TET3: variants seen among roughly 807,000 people sequenced by gnomAD.
TET3 encodes the protein methylcytosine dioxygenase TET3.
TET3 carries 19 observed loss-of-function variants against 141.4 expected under a neutral mutation model. That is an observed-to-expected ratio of 0.13 (90% CI 0.09 to 0.20). TET3 has a LOEUF of 0.20. Among genes scored for constraint, TET3 ranks in the 10% least tolerant of loss-of-function variants. The pLI is 1.00. For missense variants in TET3, 1,874 were observed against 2,356.9 expected (o/e 0.80, Z 4.24); for synonymous variants, 1,043 against 980.9 (o/e 1.06, Z -1.18).
chr2:74,124,650 T>C, the TET3 span, among the ~76,000 whole-genome samples: 1 of 152,206 alleles, frequency 6.6e-6, no homozygotes, highest in African/African-American at 2.4e-5. Context: ...CTCTGAAACA[T>C]GTGCTGTGTC....
At chr2:74,066,379 CGAT>C (rs1688901552) in intron 4 of TET3, among the ~76,000 whole-genome samples, 1 of 151,884 alleles carries the variant, frequency 6.6e-6, no homozygotes, top group Non-Finnish European at 1.5e-5. Flanking sequence ...AACAAGAAAT[CGAT>C]GGTGGTAGTG....
downstream of TET3, among the ~76,000 whole-genome samples, chr2:74,108,448 T>G (rs1228937124): frequency 6.6e-6 from 1 of 152,194 alleles, no homozygotes; most frequent in South Asian, 2.1e-4. Flanking sequence ...CCCTTTTATG[T>G]TTTTTTGTCC....
rs756751039 is a variant in TET3 at position 74,100,817 on chromosome 2, G to A, written c.4029G>A (p.Gln1343=). The change falls in exon 12 of 12, where the codon CAG becomes CAA. Residue 1343 remains glutamine, a synonymous_variant. Transcript: ENST00000409262. ...CTGAGTTTGCCGAGCTGCCCAGCCA[G>A]GCTGTTCCCACAGACGCCCACCACC... is the stretch of plus-strand genomic sequence containing the variant. ...GGAEFAELPS[Q]AVPTDAHHPT... is the part of the protein sequence containing the mutation. 4 of 1,612,640 alleles carry A rather than the reference G, an allele frequency of 2.5e-6. No individual in the cohort carries two copies. The highest frequency in any genetic ancestry group is 2.7e-5 in the African/African-American group (2 of 74,886).
chr2:74,134,048 T>C, the TET3 span, among the ~76,000 whole-genome samples: 1 of 152,154 alleles, frequency 6.6e-6, no homozygotes, highest in Non-Finnish European at 1.5e-5. Flanking sequence ...TGGCCTATTC[T>C]GTTCTTTAGA....
chr2:74,014,496 A>C (rs575692068), intron 3 of TET3, among the ~76,000 whole-genome samples: 1 of 151,648 alleles, frequency 6.6e-6, no homozygotes, highest in South Asian at 2.1e-4. Context: ...CTGTCTCTAA[A>C]CCCCCAAATA....
chr2:74,017,437 G>C (rs1685790539), intron 3 of TET3, among the ~76,000 whole-genome samples: 1 of 152,074 alleles, frequency 6.6e-6, no homozygotes, highest in Non-Finnish European at 1.5e-5. Context: ...TCTTCTCTCT[G>C]TTTCTATGAG....
At chr2:74,061,471 A>ACC (rs570376590) in intron 4 of TET3, among the ~76,000 whole-genome samples, 2,108 of 120,678 alleles carry the variant, frequency 0.017, 155 homozygotes, top group African/African-American at 0.069. Context: ...CGGGGGACTG[A>ACC]CCCCCCCACC....
At chr2:74,068,300 C>T (rs1285738213) in intron 4 of TET3, among the ~76,000 whole-genome samples, 3 of 151,704 alleles carry the variant, frequency 2.0e-5, no homozygotes, top group East Asian at 1.9e-4. Context: ...TATGCTTGTA[C>T]GTGTGTGTAT....
chr2:74,062,404 G>A (rs1688644256), intron 4 of TET3, among the ~76,000 whole-genome samples: 1 of 152,222 alleles, frequency 6.6e-6, no homozygotes, highest in Non-Finnish European at 1.5e-5. Context: ...AACTTTAAAT[G>A]ACAGTTATTT....
chr2:74,097,113 A>C (rs899062467), intron 10 of TET3, among the ~76,000 whole-genome samples: 1 of 101,632 alleles, frequency 9.8e-6, no homozygotes, highest in African/African-American at 2.7e-5. Flanking sequence ...GAAGAAAAAG[A>C]AAAAAAAAAA....
intron 3 of TET3, among the ~76,000 whole-genome samples, chr2:74,018,893 C>T (rs997383428): frequency 6.6e-6 from 1 of 152,090 alleles, no homozygotes; most frequent in Non-Finnish European, 1.5e-5. Flanking sequence ...AATGAATCTT[C>T]CTATCCAGAG....
chr2:74,001,381 T>C (rs1341343949), intron 2 of TET3, among the ~76,000 whole-genome samples: 1 of 152,230 alleles, frequency 6.6e-6, no homozygotes, highest in Non-Finnish European at 1.5e-5. Flanking sequence ...CTCAGCTTAT[T>C]CATCTGTGAG....
Position 74,092,917 on chromosome 2 carries a change from A to C in TET3, c.3055A>C (p.Lys1019Gln). Residue 1019 changes from lysine to glutamine, a missense_variant, in exon 9 of 12, where the codon AAG becomes CAG. By Grantham distance (53) the Lys-to-Gln change is moderately conservative (BLOSUM62 1). Transcript: ENST00000409262. ...CTCTCTGCAGGAAGAAGTGCTCCGG[A>C]AGAGTTTCCAGGACCTGGCCACCGA... ...DNPKEEEVLR[K>Q]SFQDLATEVA... 1 of 1,589,944 alleles carries C rather than the reference A, an allele frequency of 6.3e-7. No individual in the cohort carries two copies. The highest frequency in any genetic ancestry group is 8.6e-7 in the Non-Finnish European group (1 of 1,168,282).
At chr2:74,053,817 A>G (rs1442978114) in intron 4 of TET3, among the ~76,000 whole-genome samples, 1 of 152,134 alleles carries the variant, frequency 6.6e-6, no homozygotes, top group African/African-American at 2.4e-5. Flanking sequence ...TTTTATTTCT[A>G]TGAGAATGTA....
At chr2:74,084,995 A>G (rs929101262) in intron 6 of TET3, among the ~76,000 whole-genome samples, 3 of 152,104 alleles carry the variant, frequency 2.0e-5, no homozygotes, top group African/African-American at 7.2e-5. Context: ...GAGAATGGAG[A>G]GTTCCTTAAT....
chr2:73,990,112 G>A (rs576734851), intron 2 of TET3, among the ~76,000 whole-genome samples: 1 of 152,002 alleles, frequency 6.6e-6, no homozygotes, highest in Non-Finnish European at 1.5e-5. Flanking sequence ...GCAATACAAG[G>A]GCTAGGTATG....
intron 3 of TET3, among the ~76,000 whole-genome samples, chr2:74,009,500 TGGATCATTATTGCCTTACACCCTA>T (rs1281285320): frequency 6.6e-6 from 1 of 152,170 alleles, no homozygotes; most frequent in African/African-American, 2.4e-5. Flanking sequence ...CTTCACCACA[TGGATCATTATTGCCTTACACCCTA>T]GTTCTAGGGG....
At chr2:74,121,500 G>A in the TET3 span, 5 of 152,164 alleles carry the variant, frequency 3.3e-5, no homozygotes, top group Non-Finnish European at 7.4e-5. Flanking sequence ...AGACATCTGA[G>A]GACTACACTC....
chr2:74,060,489 A>G (rs951706123), intron 4 of TET3, among the ~76,000 whole-genome samples: 1 of 152,184 alleles, frequency 6.6e-6, no homozygotes, highest in Admixed American at 6.5e-5. Flanking sequence ...GTCACCATCC[A>G]TATGTAAAGT....
Sources: gnomAD v4.1 joint callset for allele counts (sites outside exome capture counted in the v4.1 genomes callset) on GRCh38, gnomAD v4.1.1 for gene constraint, MANE v1.5 for transcripts, NCBI Gene and HGNC (gene_info 2026-07-23, HGNC 2026-07-21) for gene names.